Variants in UMAD1 observed in about 807,000 individuals in gnomAD.
UMAD1 encodes UBAP1-MVB12-associated (UMA)-domain containing protein 1.
A neutral mutation model predicts 6.1 loss-of-function variants in UMAD1; 8 were observed. That is an observed-to-expected ratio of 1.30 (90% CI 0.76 to 2.35). UMAD1 has a LOEUF of 2.35. Ranked by LOEUF, UMAD1 falls within the 30% of genes most tolerant of loss-of-function variation. The pLI, the probability that UMAD1 is intolerant of heterozygous loss-of-function variation, is 0.00. For missense variants in UMAD1, 130 were observed against 78.4 expected (o/e 1.66, Z -2.49); for synonymous variants, 56 against 31.4 (o/e 1.78, Z -2.61).
chr7:7,673,310 TAGCAGCAGCAGCAGCAGCAGC>T lies in UMAD1; in HGVS notation c.-21_-1del. Reference sequence around the variant, plus strand: ...CATTGTGTAATGTTTCTATTTCAGGTAGCAGCAGCAGCAGCAGCAGCAGCAGCAGCAGCAGCAGCAGCAGCA... The same window carrying T: ...CATTGTGTAATGTTTCTATTTCAGGTAGCAGCAGCAGCAGCAGCAGCAGCA... On this transcript the variant is annotated splice_region_variant and 5_prime_UTR_variant, in exon 2 of 4. Coordinates refer to ENST00000682710, the MANE Select transcript of UMAD1 (RefSeq NM_001302348.2). 3.6e-4 allele frequency: 370 copies of T among 1,033,872 alleles called. 3 individuals carry two copies. The highest frequency in any genetic ancestry group is 1.2e-3 in the African/African-American group (75 of 60,996). 64.0% of individuals were successfully genotyped at this position (1,033,872 alleles called of 1,614,324 possible).
intron 3 of UMAD1, among the ~76,000 whole-genome samples, chr7:7,855,806 T>A (rs548192377): frequency 6.6e-6 from 1 of 152,372 alleles, no homozygotes; most frequent in Non-Finnish European, 1.5e-5. Context: ...GGATGCATAT[T>A]TTTCAAACTT....
At chr7:7,856,756 A>C (rs1342559011) in intron 3 of UMAD1, among the ~76,000 whole-genome samples, 2 of 152,196 alleles carry the variant, frequency 1.3e-5, no homozygotes, top group African/African-American at 4.8e-5. Flanking sequence ...AAGCCATACT[A>C]GGGGACAATA....
chr7:7,645,240 C>T (rs990481186), intron 1 of UMAD1, among the ~76,000 whole-genome samples: 1 of 152,056 alleles, frequency 6.6e-6, no homozygotes, highest in Non-Finnish European at 1.5e-5. Context: ...TAGGATAGAG[C>T]CTTCAGTACC....
intron 3 of UMAD1, among the ~76,000 whole-genome samples, chr7:7,866,872 A>T (rs151132914): frequency 3.2e-4 from 49 of 152,232 alleles, no homozygotes; most frequent in African/African-American, 1.2e-3. Context: ...AAAGCTGTAC[A>T]TGGGAAACTC....
rs575934218 is a variant in UMAD1, at chr7:7,642,080, T to C, written c.-64+1259T>C. On this transcript the variant is annotated intron_variant, in intron 1 of 3. Coordinates refer to ENST00000682710, the MANE Select transcript of UMAD1 (RefSeq NM_001302348.2). ...TAAGTCTTTTGTACTTTAGCATTGTTTTGCAAAGCAAGTTGATGTGCATTA... is the reference window on the plus strand; with the variant it reads ...TAAGTCTTTTGTACTTTAGCATTGTCTTGCAAAGCAAGTTGATGTGCATTA... 5.9e-5 allele frequency among the ~76,000 whole-genome samples: 9 copies of C among 152,372 alleles called. 1 individual carries two copies. Among genetic ancestry groups the C allele is most frequent in the African/African-American group, 2.2e-4 (9 of 41,592 alleles).
intron 2 of UMAD1, among the ~76,000 whole-genome samples, chr7:7,790,890 A>G (rs1322538741): frequency 6.7e-6 from 1 of 149,500 alleles, no homozygotes; most frequent in Non-Finnish European, 1.5e-5. Context: ...ACTGTTTTTC[A>G]TTTTTTGTTT....
intron 2 of UMAD1, among the ~76,000 whole-genome samples, chr7:7,726,729 C>G (rs1781144701): frequency 6.6e-6 from 1 of 152,140 alleles, no homozygotes; most frequent in African/African-American, 2.4e-5. Flanking sequence ...GGGAGAAATG[C>G]TGCCAGGAGA....
chr7:7,642,513 A>C (rs561252685), intron 1 of UMAD1, among the ~76,000 whole-genome samples: 1 of 151,752 alleles, frequency 6.6e-6, no homozygotes, highest in South Asian at 2.1e-4. Context: ...ACCAGATGTT[A>C]ATGTCGTTGT....
At chr7:7,658,803 G>A (rs1245180914) in intron 1 of UMAD1, among the ~76,000 whole-genome samples, 1 of 151,534 alleles carries the variant, frequency 6.6e-6, no homozygotes, top group Non-Finnish European at 1.5e-5. Flanking sequence ...CTGGTGTCGG[G>A]ATGATGCTGG....
chr7:7,731,122 C>T (rs1033823839), intron 2 of UMAD1, among the ~76,000 whole-genome samples: 1 of 152,156 alleles, frequency 6.6e-6, no homozygotes, highest in African/African-American at 2.4e-5. Context: ...CCTCAGCCTC[C>T]TGAGTAGCTA....
intron 2 of UMAD1, among the ~76,000 whole-genome samples, chr7:7,724,872 A>T (rs192812569): frequency 6.6e-6 from 1 of 152,094 alleles, no homozygotes; most frequent in South Asian, 2.1e-4. Context: ...GGGTATATCA[A>T]CTCTCTGGCT....
chr7:7,861,609 TCA>T lies in UMAD1; in HGVS notation c.157-15671_157-15670del, dbSNP rs1367224218. On this transcript the variant is annotated intron_variant, in intron 3 of 3. Transcript: ENST00000682710. Reference sequence around the variant, plus strand: ...TAGTCTACCCTCATAATTTCTGTACTCAGTTTGGTATGACACATTTCCTTACT... The same window carrying T: ...TAGTCTACCCTCATAATTTCTGTACTGTTTGGTATGACACATTTCCTTACT... 7.2e-5 allele frequency among the ~76,000 whole-genome samples: 11 copies of T among 152,280 alleles called. No individual in the cohort carries two copies. In the South Asian group the frequency reaches 2.3e-3, roughly 32 times the overall value.
chr7:7,809,855 C>T (rs150554341), intron 3 of UMAD1, among the ~76,000 whole-genome samples: 18 of 152,094 alleles, frequency 1.2e-4, no homozygotes, highest in Admixed American at 3.9e-4. Context: ...TGTAGGGACG[C>T]GTTTCCTTGT....
chr7:7,701,697 G>A (rs559084503), intron 2 of UMAD1, among the ~76,000 whole-genome samples: 1 of 152,028 alleles, frequency 6.6e-6, no homozygotes, highest in Admixed American at 6.6e-5. Context: ...AGAATGACAG[G>A]GTATTTACTT....
rs116254112 is a variant in UMAD1 at position 7,802,820 on chromosome 7, G to A, written c.156+1077G>A. On this transcript the variant is annotated intron_variant, in intron 3 of 3. Coordinates refer to ENST00000682710, the MANE Select transcript of UMAD1 (RefSeq NM_001302348.2). ...TTGAAAAGATTTGTTAAATGAATAA[G>A]TCAGTACAATCATGAGTAATAAGTA... 2.9e-3 allele frequency among the ~76,000 whole-genome samples: 435 copies of A among 152,220 alleles called. 4 individuals carry two copies. The highest frequency in any genetic ancestry group is 0.01 in the African/African-American group (419 of 41,530).
At chr7:7,677,775 G>A (rs1423710601) in intron 2 of UMAD1, among the ~76,000 whole-genome samples, 2 of 142,032 alleles carry the variant, frequency 1.4e-5, no homozygotes, top group East Asian at 2.1e-4. Context: ...CCAGGTTCAC[G>A]CCATTCTCCT....
intron 3 of UMAD1, among the ~76,000 whole-genome samples, chr7:7,837,818 A>AG (rs2115311234): frequency 6.6e-6 from 1 of 152,268 alleles, no homozygotes; most frequent in African/African-American, 2.4e-5. Flanking sequence ...AAAAATCTAA[A>AG]TACAGTACTG....
At chr7:7,715,256 A>C (rs1250963035) in intron 2 of UMAD1, 1 of 152,226 alleles carries the variant, frequency 6.6e-6, no homozygotes, top group Non-Finnish European at 1.5e-5. Flanking sequence ...AAGTAGGATA[A>C]GAACTGAAAA....
At chr7:7,764,796 C>T (rs929578914) in intron 2 of UMAD1, among the ~76,000 whole-genome samples, 2 of 152,268 alleles carry the variant, frequency 1.3e-5, no homozygotes, top group East Asian at 3.9e-4. Flanking sequence ...GTACCCTGCC[C>T]TTTCTCTAAG....
Sources: allele counts gnomAD v4.1 joint callset (sites outside exome capture counted in the v4.1 genomes callset), GRCh38; gene constraint gnomAD v4.1.1; transcripts MANE v1.5; gene names NCBI Gene and HGNC (gene_info 2026-07-23, HGNC 2026-07-21).